The following NOL4 variants were observed in gnomAD, a reference collection of about 807,000 sequenced individuals.
NOL4 encodes the protein nucleolar protein 4, also known as cancer/testis antigen 125.
Under a neutral mutation model 75.9 loss-of-function variants are expected in NOL4, and 17 were observed. The observed-to-expected ratio is 0.22, with a 90% confidence interval of 0.15 to 0.34. NOL4 has a LOEUF of 0.34. Among genes scored for constraint, NOL4 ranks in the 10% least tolerant of loss-of-function variants. The pLI is 1.00. For synonymous variants in NOL4, 292 were observed against 289.9 expected (o/e 1.01, Z -0.07); for missense variants, 614 against 793.5 (o/e 0.77, Z 2.72).
chr18:34,045,576 C>T (rs2076328635), intron 5 of NOL4, among the ~76,000 whole-genome samples: 1 of 152,150 alleles, frequency 6.6e-6, no homozygotes, highest in African/African-American at 2.4e-5. Flanking sequence ...GCTATCCCCA[C>T]ACACCATGTT....
At chr18:34,014,886 C>G (rs1469495696) in intron 6 of NOL4, among the ~76,000 whole-genome samples, 1 of 152,012 alleles carries the variant, frequency 6.6e-6, no homozygotes, top group East Asian at 1.9e-4. Context: ...CTTCTATTCA[C>G]TGTTCAATTT....
intron 5 of NOL4, among the ~76,000 whole-genome samples, chr18:34,056,793 T>A (rs996839838): frequency 2.0e-5 from 3 of 152,148 alleles, no homozygotes; most frequent in African/African-American, 4.8e-5. Context: ...TCTTAACTGG[T>A]CAACAGAGTT....
intron 5 of NOL4, among the ~76,000 whole-genome samples, chr18:34,053,602 T>C (rs185389159): frequency 6.6e-6 from 1 of 152,058 alleles, no homozygotes; most frequent in Non-Finnish European, 1.5e-5. Flanking sequence ...CCCTCTCTAT[T>C]ATCACTCTAC....
chr18:34,166,031 T>C (rs1222567470), intron 1 of NOL4, among the ~76,000 whole-genome samples: 1 of 152,050 alleles, frequency 6.6e-6, no homozygotes, highest in African/African-American at 2.4e-5. Context: ...GTTGGGAAAT[T>C]TTCACCGATT....
chr18:34,115,291 G>A (rs76538906), intron 2 of NOL4, among the ~76,000 whole-genome samples: 2,233 of 152,146 alleles, frequency 0.015, 16 homozygotes, highest in Middle Eastern at 0.034. Context: ...TGCACCAATC[G>A]AAAGAACTAC....
chr18:34,200,297 A>T (rs1448308379), intron 1 of NOL4, among the ~76,000 whole-genome samples: 1 of 151,790 alleles, frequency 6.6e-6, no homozygotes, highest in Non-Finnish European at 1.5e-5. Context: ...ACCAAACAAA[A>T]CGTGCCTCAT....
chr18:33,962,677 T>C (rs1007467344), intron 6 of NOL4, among the ~76,000 whole-genome samples: 2 of 152,188 alleles, frequency 1.3e-5, no homozygotes, highest in East Asian at 3.9e-4. Flanking sequence ...AATTAGCTAA[T>C]AAAATATATT....
chr18:34,066,238 T>C (rs540211226), intron 5 of NOL4, among the ~76,000 whole-genome samples: 15 of 152,156 alleles, frequency 9.9e-5, no homozygotes, highest in African/African-American at 1.4e-4. Context: ...TGCAAAGTTA[T>C]ATGGTAAAAC....
intron 10 of NOL4, among the ~76,000 whole-genome samples, chr18:33,877,312 A>T (rs527291059): frequency 4.0e-4 from 59 of 148,306 alleles, no homozygotes; most frequent in Admixed American, 7.9e-4. Flanking sequence ...AAAAATAATT[A>T]AAAAAATCAA....
intron 5 of NOL4, among the ~76,000 whole-genome samples, chr18:34,059,122 C>T (rs199969362): frequency 2.9e-4 from 34 of 118,196 alleles, no homozygotes; most frequent in South Asian, 1.6e-3. Flanking sequence ...GATAGATATA[C>T]ATATATATAT....
intron 5 of NOL4, among the ~76,000 whole-genome samples, chr18:34,075,883 C>T (rs991461314): frequency 6.6e-6 from 1 of 152,062 alleles, no homozygotes; most frequent in Non-Finnish European, 1.5e-5. Context: ...AAGCAGAAAA[C>T]AACCTCTAAG....
intron 9 of NOL4, among the ~76,000 whole-genome samples, chr18:33,929,694 CT>C (rs1271427286): frequency 6.6e-6 from 1 of 152,098 alleles, no homozygotes; most frequent in Non-Finnish European, 1.5e-5. Flanking sequence ...TGTTTTGTAG[CT>C]TCTTTACTGA....
chr18:33,924,766 G>A lies in NOL4; in HGVS notation c.1542+18299C>T, dbSNP rs1312179515. Among the ~76,000 whole-genome samples the A allele has an allele frequency of 2.0e-5, 3 of 152,192 alleles. No homozygotes were observed. In the East Asian group the frequency reaches 5.8e-4, roughly 29 times the overall value. The stretch of plus-strand genomic sequence containing the variant: ...ATAATTAATTACTAAAATATGTAGT[G>A]CTGATAGTTGTTGCTACATAGAGAA... On this transcript the variant is annotated intron_variant, in intron 9 of 10. Transcript: ENST00000261592.
chr18:33,908,971 C>T (rs553950946), intron 9 of NOL4, among the ~76,000 whole-genome samples: 50 of 152,076 alleles, frequency 3.3e-4, no homozygotes, highest in African/African-American at 8.2e-4. Flanking sequence ...ATGGGTGTAG[C>T]GCATACAATA....
chr18:33,853,733 A>G (rs552953808), intron 10 of NOL4, among the ~76,000 whole-genome samples: 349 of 152,208 alleles, frequency 2.3e-3, no homozygotes, highest in African/African-American at 7.6e-3. Flanking sequence ...GAACCTAGAC[A>G]TTTGGAATAC....
chr18:34,044,274 T>C (rs2076265412), intron 5 of NOL4, among the ~76,000 whole-genome samples: 1 of 152,062 alleles, frequency 6.6e-6, no homozygotes, highest in South Asian at 2.1e-4. Context: ...ATTATAGCAA[T>C]TATCCATATG....
At chr18:33,868,952 A>G (rs1599683119) in intron 10 of NOL4, among the ~76,000 whole-genome samples, 1 of 152,018 alleles carries the variant, frequency 6.6e-6, no homozygotes, top group East Asian at 1.9e-4. Flanking sequence ...TATTATTACA[A>G]ATTTCTTAAG....
chr18:34,048,418 T>TCTGGAGGAGCTGACACTTA, intron 5 of NOL4: 1 of 983,664 alleles, frequency 1.0e-6, no homozygotes, highest in Non-Finnish European at 1.2e-6. Context: ...AATATTCTAC[T>TCTGGAGGAGCTGACACTTA]CTGGAGGAGC....
intron 5 of NOL4, among the ~76,000 whole-genome samples, chr18:34,020,449 C>T (rs2144463368): frequency 6.6e-6 from 1 of 152,224 alleles, no homozygotes; most frequent in Non-Finnish European, 1.5e-5. Flanking sequence ...TAAGATGCAT[C>T]TAAAGCATTA....
Sources: gnomAD v4.1 joint callset for allele counts (sites outside exome capture counted in the v4.1 genomes callset) on GRCh38, gnomAD v4.1.1 for gene constraint, MANE v1.5 for transcripts, NCBI Gene and HGNC (gene_info 2026-07-23, HGNC 2026-07-21) for gene names.